SLIT2: variants seen among roughly 807,000 people sequenced by gnomAD.
The protein encoded by SLIT2 is slit homolog 2 protein.
A neutral mutation model predicts 185.7 loss-of-function variants in SLIT2; 41 were observed. The observed-to-expected ratio is 0.22, with a 90% CI of 0.17 to 0.29. The LOEUF is 0.29. SLIT2 is among the 10% of genes least tolerant of loss of function. The pLI, the probability that SLIT2 is intolerant of heterozygous loss-of-function variation, is 1.00. For missense variants in SLIT2, 1,571 were observed against 1,909.0 expected (o/e 0.82, Z 3.30); for synonymous variants, 693 against 680.2 (o/e 1.02, Z -0.29).
At chr4:20,387,296 C>T (rs1725011058) in intron 4 of SLIT2, among the ~76,000 whole-genome samples, 1 of 151,756 alleles carries the variant, frequency 6.6e-6, no homozygotes, top group South Asian at 2.1e-4. Flanking sequence ...TGTATTGGAA[C>T]TTAAAACTGA....
chr4:20,512,768 C>A (rs1481501246), intron 11 of SLIT2, among the ~76,000 whole-genome samples: 1 of 152,072 alleles, frequency 6.6e-6, no homozygotes, highest in Non-Finnish European at 1.5e-5. Flanking sequence ...CAAAGATAAC[C>A]ATTAAATGTC....
In SLIT2 at chr4:20,539,453, C is replaced by G. The variant is rs1418198267; in HGVS notation, c.1845C>G (p.Ser615Arg). 6.2e-7 allele frequency: 1 copy of G among 1,611,426 alleles called. No homozygotes were observed. Among genetic ancestry groups the G allele is most frequent in the Non-Finnish European group, 8.5e-7 (1 of 1,178,942 alleles). The part of the protein sequence containing the change: ...LESLKTLMLR[S>R]NRITCVGNDS... Reference sequence around the variant, plus strand: ...TTTTTCCCCTCAGGATGTTGAGAAGCAATCGAATAACCTGTGTGGGGAATG... The same window carrying G: ...TTTTTCCCCTCAGGATGTTGAGAAGGAATCGAATAACCTGTGTGGGGAATG... The change falls in exon 19 of 37, where the codon AGC becomes AGG. Residue 615 changes from serine (S) to arginine (R), a missense_variant. Physicochemically the swap from Ser to Arg is moderately radical, Grantham distance 110. Around this residue, in one of 3 missense-constraint regions of SLIT2, gnomAD observed 1,202 missense variants for 1,416.4 expected, o/e 0.85. Coordinates refer to ENST00000504154, the MANE Select transcript of SLIT2 (RefSeq NM_004787.4).
intron 2 of SLIT2, 113 bp downstream of exon 2, chr4:20,256,856 G>C (rs1711902983): frequency 1.9e-6 from 1 of 535,954 alleles, no homozygotes; most frequent in African/African-American, 2.0e-5. Flanking sequence ...ACATTTAAAA[G>C]GTCATGCTTT....
intron 19 of SLIT2, among the ~76,000 whole-genome samples, chr4:20,539,874 G>A (rs1289191161): frequency 6.6e-6 from 1 of 152,010 alleles, no homozygotes; most frequent in East Asian, 1.9e-4. Flanking sequence ...TAACTTGATA[G>A]TGCTGCATAT....
chr4:20,589,900 CTT>C (rs34384249), intron 30 of SLIT2, among the ~76,000 whole-genome samples, 163 bp downstream of exon 30: 5 of 84,486 alleles, frequency 5.9e-5, no homozygotes, highest in East Asian at 7.8e-4. Flanking sequence ...ACAATATGGA[CTT>C]TTTTTTTTTT....
At chr4:20,295,039 G>T (rs1251309145) in intron 4 of SLIT2, among the ~76,000 whole-genome samples, 1 of 152,318 alleles carries the variant, frequency 6.6e-6, no homozygotes, top group Non-Finnish European at 1.5e-5. Flanking sequence ...AGCTCAAAAA[G>T]ATGAAAGTAA....
In SLIT2 at chr4:20,460,633, A is replaced by C. The variant is rs1577698573; in HGVS notation, c.396-7119A>C. ...GACCAACGTCTCCCCAACCTGCTTC[A>C]CCTTAACTGCCCCAGCCGCTGGTAG... is the stretch of plus-strand genomic sequence containing the variant. On this transcript the variant is annotated intron_variant, in intron 4 of 36. Transcript: ENST00000504154. Among the ~76,000 whole-genome samples the C allele has an allele frequency of 2.0e-5, 3 of 152,226 alleles. No homozygotes were observed. In the South Asian group the frequency reaches 6.2e-4, roughly 32 times the overall value.
At chr4:20,573,275 A>C (rs1255399273) in intron 29 of SLIT2, 1 of 702,968 alleles carries the variant, frequency 1.4e-6, no homozygotes, top group Non-Finnish European at 2.6e-6. Flanking sequence ...GTTGCCTTTT[A>C]AGTCTATTAT....
At chr4:20,591,903 T>C (rs779562259) in intron 30 of SLIT2, among the ~76,000 whole-genome samples, 4 of 152,072 alleles carry the variant, frequency 2.6e-5, no homozygotes, top group Non-Finnish European at 5.9e-5. Flanking sequence ...AAATATCTCC[T>C]CTCGCCATCA....
chr4:20,396,634 A>G (rs1725916581), intron 4 of SLIT2, among the ~76,000 whole-genome samples: 1 of 151,604 alleles, frequency 6.6e-6, no homozygotes, highest in Non-Finnish European at 1.5e-5. Flanking sequence ...AGAAAGAGCA[A>G]TTCAGGGTCC....
At chr4:20,291,478 ATATATATATATATATTTTTTTTTTTTTT>A (rs1197468014) in intron 4 of SLIT2, among the ~76,000 whole-genome samples, 165 of 15,866 alleles carry the variant, frequency 0.01, no homozygotes, top group Admixed American at 0.014. Context: ...ATATATATAT[ATATATATATATATATTTTTTTTTTTTTT>A]TTTTTTTTTT....
rs1354468952 is a variant in SLIT2 at position 20,324,262 on chromosome 4, ATGTATTGGTGAGGTGCTGATGT to A, written c.395+55466_395+55487del. On this transcript the variant is annotated intron_variant, in intron 4 of 36. Transcript: ENST00000504154. ...TTGACAACCCCAGTGCATTGAGACA[ATGTATTGGTGAGGTGCTGATGT>A]TGTATTGGTGAGGTGCTGATGTTGT... is the stretch of plus-strand genomic sequence containing the variant. 8.5e-4 allele frequency among the ~76,000 whole-genome samples: 107 copies of A among 125,252 alleles called. 3 individuals carry two copies. The highest frequency in any genetic ancestry group is 4.2e-3 in the South Asian group (16 of 3,794). The allele number at this position is 125,252 out of a possible 152,430, so 82.2% of individuals were successfully genotyped here.
chr4:20,491,840 C>T lies in SLIT2; in HGVS notation c.855C>T (p.Asp285=). ...AACTCSNNIV[D]CRGKGLTEIP... is the part of the protein sequence containing the mutation. ...GTACCTGTAGCAACAATATCGTAGA[C>T]TGTCGTGGGAAAGGTCTCACTGAGA... The change falls in exon 9 of 37, where the codon GAC becomes GAT. Residue 285 remains aspartate (D), a synonymous_variant. Transcript: ENST00000504154. The T allele has an allele frequency of 1.9e-6, 3 of 1,613,890 alleles. No individual in the cohort carries two copies. The highest frequency in any genetic ancestry group is 1.7e-6 in the Non-Finnish European group (2 of 1,179,852).
At chr4:20,288,412 A>G (rs1240755419) in intron 4 of SLIT2, among the ~76,000 whole-genome samples, 2 of 152,346 alleles carry the variant, frequency 1.3e-5, no homozygotes, top group African/African-American at 4.8e-5. Context: ...GTTTTTTATT[A>G]GAAACACTGA....
At chr4:20,581,488 G>A (rs1483436735) in intron 29 of SLIT2, among the ~76,000 whole-genome samples, 4 of 152,084 alleles carry the variant, frequency 2.6e-5, no homozygotes, top group African/African-American at 9.7e-5. Context: ...TTCTTCCACT[G>A]TTCTCCATGT....
chr4:20,399,977 G>A (rs972056149), intron 4 of SLIT2, among the ~76,000 whole-genome samples: 1 of 151,716 alleles, frequency 6.6e-6, no homozygotes, highest in African/African-American at 2.4e-5. Context: ...AGAAATACAG[G>A]TGTGATGTGA....
chr4:20,398,245 T>C (rs933818100), intron 4 of SLIT2, among the ~76,000 whole-genome samples: 1 of 151,786 alleles, frequency 6.6e-6, no homozygotes, highest in Admixed American at 6.6e-5. Flanking sequence ...TGGAGATGTT[T>C]CAAGAAAAAT....
At chr4:20,455,920 A>G (rs1393485615) in intron 4 of SLIT2, among the ~76,000 whole-genome samples, 1 of 152,086 alleles carries the variant, frequency 6.6e-6, no homozygotes, top group African/African-American at 2.4e-5. Flanking sequence ...CATTTTTTCA[A>G]CTGAAGTTGA....
intron 9 of SLIT2, among the ~76,000 whole-genome samples, chr4:20,502,431 A>C (rs899064911): frequency 2.0e-5 from 3 of 152,196 alleles, no homozygotes; most frequent in African/African-American, 4.8e-5. Context: ...ATTATGGATG[A>C]AAGGGGACAG....
Sources: allele counts gnomAD v4.1 joint callset (sites outside exome capture counted in the v4.1 genomes callset), GRCh38; gene constraint gnomAD v4.1.1; regional missense constraint gnomAD v4.1.1; transcripts MANE v1.5; gene names NCBI Gene and HGNC (gene_info 2026-07-23, HGNC 2026-07-21).